SYNJ2: variants seen among roughly 807,000 people sequenced by gnomAD.
The protein encoded by SYNJ2 is polyphosphatidylinositol phosphatase SYNJ2.
SYNJ2 carries 116 observed loss-of-function variants against 141.3 expected under a neutral mutation model. That is an observed-to-expected ratio of 0.82 (90% CI 0.71 to 0.96). SYNJ2 has a LOEUF of 0.96. Among genes scored for constraint, SYNJ2 ranks in the 40% least tolerant of loss-of-function variants. The pLI is 0.00. For missense variants in SYNJ2, 1,873 were observed against 1,934.8 expected, an observed-to-expected ratio of 0.97 and a Z score of 0.60; for synonymous variants, 745 against 777.7, an observed-to-expected ratio of 0.96 and a Z score of 0.70.
chr6:158,095,798 G>C lies in SYNJ2; in HGVS notation c.3925G>C (p.Asp1309His). The change falls in exon 27 of 27, where the codon GAC becomes CAC. Residue 1309 changes from aspartate (D) to histidine (H), a missense_variant. Physicochemically the swap from Asp to His is moderately conservative, Grantham distance 81. Coordinates refer to ENST00000355585, the MANE Select transcript of SYNJ2 (RefSeq NM_003898.4). Reference sequence around the variant, plus strand: ...GCCAAGCCACAGGAAGCCAGCATCAGACGAAGCCCCTCCTGGGGCAGGAGC... The same window carrying C: ...GCCAAGCCACAGGAAGCCAGCATCACACGAAGCCCCTCCTGGGGCAGGAGC... Reference protein sequence around the residue: ...ERPSHRKPASDEAPPGAGASV... With the variant: ...ERPSHRKPASHEAPPGAGASV... 6.2e-7 allele frequency: 1 copy of C among 1,614,204 alleles called. No homozygotes were observed. Among genetic ancestry groups the C allele is most frequent in the South Asian group, 1.1e-5 (1 of 91,084 alleles).
chr6:158,002,865 C>T (rs139791515), intron 1 of SYNJ2, among the ~76,000 whole-genome samples: 48 of 152,336 alleles, frequency 3.2e-4, no homozygotes, highest in Middle Eastern at 3.4e-3. Flanking sequence ...ATATGTGGCA[C>T]TGGGCCTGGC....
rs117627911 is a variant in SYNJ2 at position 158,083,618 on chromosome 6, G to A, written c.3034+21G>A. On this transcript the variant is annotated intron_variant, in intron 21 of 26. Coordinates refer to ENST00000355585, the MANE Select transcript of SYNJ2 (RefSeq NM_003898.4). ...AGAAGGTTAGTGACCCTGCAGGGAGGGACAGGCAAGCCGTTCTTCTAGCAA... is the reference window on the plus strand; with the variant it reads ...AGAAGGTTAGTGACCCTGCAGGGAGAGACAGGCAAGCCGTTCTTCTAGCAA... 5.2e-4 allele frequency: 835 copies of A among 1,613,332 alleles called. 15 individuals are homozygous for A. The East Asian group carries it at 0.013, about 24-fold the overall frequency.
chr6:157,983,692 C>T (rs1218509612), intron 1 of SYNJ2, among the ~76,000 whole-genome samples: 1 of 152,130 alleles, frequency 6.6e-6, no homozygotes, highest in Non-Finnish European at 1.5e-5. Context: ...CTGAGATTTA[C>T]ATCACGGTGG....
At chr6:158,057,703 A>T (rs1780953267) in intron 6 of SYNJ2, among the ~76,000 whole-genome samples, 1 of 152,206 alleles carries the variant, frequency 6.6e-6, no homozygotes, top group Non-Finnish European at 1.5e-5. Flanking sequence ...ACAGGAAGAG[A>T]TCAGAAATGG....
At position 158,097,035 on chromosome 6, in the gene SYNJ2, G is replaced by A. The variant is rs1249272870; in HGVS notation, c.*671G>A. On this transcript the variant is annotated 3_prime_UTR_variant, in exon 27 of 27. Transcript: ENST00000355585. Reference sequence around the variant, plus strand: ...TAACCTTAGCTTAAACTAGCTGAAGGCTCCTGTGCCATGTCTTAGACATTG... The same window carrying A: ...TAACCTTAGCTTAAACTAGCTGAAGACTCCTGTGCCATGTCTTAGACATTG... The A allele has an allele frequency of 6.5e-6, 1 of 152,750 alleles. No homozygotes were observed. The highest frequency in any genetic ancestry group is 1.5e-5 in the Non-Finnish European group (1 of 68,122). 9.5% of individuals were successfully genotyped at this position (152,750 alleles called of 1,614,324 possible).
chr6:157,988,668 T>C (rs990054223), intron 1 of SYNJ2, among the ~76,000 whole-genome samples: 1 of 152,210 alleles, frequency 6.6e-6, no homozygotes, highest in African/African-American at 2.4e-5. Context: ...TATATTCTGT[T>C]TTCTTTCCAC....
In SYNJ2 at chr6:158,027,069, G is replaced by T. The variant is rs568890725; in HGVS notation, c.215-1687G>T. On this transcript the variant is annotated intron_variant, in intron 2 of 26. Transcript: ENST00000355585. This position sits in a 1 kb window ranked among gnomAD's most constrained non-coding sequence, Gnocchi z 4.6. ...GCCCCACCCCATGGCATAGCAGCAG[G>T]CCCCTGGGAGCCCTGAGCGCTCATT... The T allele has an allele frequency of 1.0e-6, 1 of 985,372 alleles. No individual in the cohort carries two copies. The highest frequency in any genetic ancestry group is 4.7e-5 in the South Asian group (1 of 21,286). The allele number at this position is 985,372 out of a possible 1,614,324, so 61.0% of individuals were successfully genotyped here.
chr6:158,009,562 A>T (rs1369087794), intron 1 of SYNJ2, among the ~76,000 whole-genome samples: 1 of 152,216 alleles, frequency 6.6e-6, no homozygotes. Flanking sequence ...GCTTTCCTCA[A>T]AAGGCCAGAA....
intron 2 of SYNJ2, among the ~76,000 whole-genome samples, chr6:158,022,432 T>C (rs1778826619): frequency 6.6e-6 from 1 of 152,208 alleles, no homozygotes; most frequent in Non-Finnish European, 1.5e-5. Context: ...CCTGGCCTGA[T>C]AACAAATTGC....
intron 11 of SYNJ2, among the ~76,000 whole-genome samples, chr6:158,065,226 G>A (rs562998018): frequency 1.5e-3 from 222 of 152,312 alleles, no homozygotes; most frequent in Non-Finnish European, 2.3e-3. Flanking sequence ...CCTGAGAAGC[G>A]AGAGACACCA....
At chr6:158,000,008 A>G (rs1777777060) in intron 1 of SYNJ2, among the ~76,000 whole-genome samples, 1 of 142,850 alleles carries the variant, frequency 7.0e-6, no homozygotes, top group Admixed American at 7.2e-5. Flanking sequence ...CAGTTTGGGA[A>G]TCCTGGCGAT....
intron 4 of SYNJ2, among the ~76,000 whole-genome samples, chr6:158,038,347 C>G (rs572998987): frequency 6.6e-6 from 1 of 152,302 alleles, no homozygotes; most frequent in African/African-American, 2.4e-5. Context: ...TGGGCACCAC[C>G]ACCTGCCGCT....
At chr6:158,038,070 C>T (rs1225390682) in intron 4 of SYNJ2, among the ~76,000 whole-genome samples, 3 of 152,260 alleles carry the variant, frequency 2.0e-5, no homozygotes, top group Admixed American at 6.5e-5. Context: ...GAATCTCCCA[C>T]CTCGGGCAGC....
chr6:158,021,774 G>C (rs1778787519), intron 2 of SYNJ2, among the ~76,000 whole-genome samples: 1 of 152,236 alleles, frequency 6.6e-6, no homozygotes. Context: ...TCTCTAGCAA[G>C]TCTTGAAGCG....
At chr6:158,050,268 C>G (rs1212996710) in intron 5 of SYNJ2, among the ~76,000 whole-genome samples, 1 of 152,246 alleles carries the variant, frequency 6.6e-6, no homozygotes. Context: ...ATTCCTGGCC[C>G]CACCCCTGGA....
intron 1 of SYNJ2, 156 bp from the exon 2 acceptor site, chr6:158,017,048 A>C (rs959556768): frequency 2.2e-6 from 3 of 1,345,296 alleles, no homozygotes; most frequent in African/African-American, 3.0e-5. Flanking sequence ...TTCGCGAATC[A>C]TAAAACCTCC....
chr6:158,076,804 G>A (rs528483258), intron 17 of SYNJ2, 22 bp downstream of exon 17: 20 of 1,594,848 alleles, frequency 1.3e-5, no homozygotes, highest in East Asian at 6.7e-5. Flanking sequence ...GTGCCCGTTC[G>A]AGAGTCGGCA....
chr6:158,067,619 C>T, intron 12 of SYNJ2: 1 of 985,322 alleles, frequency 1.0e-6, no homozygotes, highest in Non-Finnish European at 1.2e-6. Context: ...CAGGTTTTTG[C>T]CTGTTGGTGA....
intron 1 of SYNJ2, among the ~76,000 whole-genome samples, chr6:157,993,980 A>G (rs13194821): frequency 2.0e-5 from 3 of 150,946 alleles, no homozygotes; most frequent in African/African-American, 7.3e-5. Context: ...ACCCCTGGCT[A>G]ATTTTTTGTA....
Sources: allele counts gnomAD v4.1 joint callset (sites outside exome capture counted in the v4.1 genomes callset), GRCh38; gene constraint gnomAD v4.1.1; non-coding constraint Gnocchi (gnomAD v3.1); transcripts MANE v1.5; gene names NCBI Gene and HGNC (gene_info 2026-07-23, HGNC 2026-07-21).